The following FBXW10B variants were observed in gnomAD, a reference collection of about 807,000 sequenced individuals.
FBXW10B encodes F-box and WD repeat domain containing protein 10B.
At chr17:15,594,787 C>G in the FBXW10B span, 1 of 1,613,946 alleles carries the variant, frequency 6.2e-7, no homozygotes, top group Admixed American at 1.7e-5. Context: ...CTCGTACTTC[C>G]CCACCATGCT....
At chr17:15,602,875 C>T in the FBXW10B span, among the ~76,000 whole-genome samples, 1 of 122,264 alleles carries the variant, frequency 8.2e-6, no homozygotes, top group Non-Finnish European at 1.6e-5. Flanking sequence ...GATCCGCCCG[C>T]CTCGGCCTCC....
chr17:15,571,691 T>G, the FBXW10B span: 1 of 152,186 alleles, frequency 6.6e-6, no homozygotes, highest in African/African-American at 2.4e-5. Flanking sequence ...CATACAAAGA[T>G]CTGTACATGA....
the FBXW10B span, among the ~76,000 whole-genome samples, chr17:15,611,613 A>G: frequency 1.3e-5 from 2 of 152,106 alleles, no homozygotes; most frequent in East Asian, 3.9e-4. Flanking sequence ...TGGCCCCTAC[A>G]GGTCATATGA....
the FBXW10B span, among the ~76,000 whole-genome samples, chr17:15,568,452 A>C: frequency 7.2e-5 from 11 of 152,218 alleles, no homozygotes; most frequent in Admixed American, 7.2e-4. Flanking sequence ...ATTACTTCTC[A>C]GGGAATGCGT....
the FBXW10B span, chr17:15,598,738 A>T: frequency 1.3e-6 from 2 of 1,568,600 alleles, no homozygotes; most frequent in South Asian, 2.4e-5. Flanking sequence ...ATAATTAGTT[A>T]GTTGGGAGGC....
At chr17:15,607,714 A>G in the FBXW10B span, 6 of 1,590,770 alleles carry the variant, frequency 3.8e-6, no homozygotes, top group Admixed American at 8.5e-5. Flanking sequence ...GTTAAAGCTC[A>G]GTGGTAACTT....
the FBXW10B span, among the ~76,000 whole-genome samples, chr17:15,568,031 G>A: frequency 2.2e-4 from 34 of 152,264 alleles, no homozygotes; most frequent in Admixed American, 7.8e-4. Flanking sequence ...AAGTAGAGTG[G>A]TGGGTTATTG....
the FBXW10B span, among the ~76,000 whole-genome samples, chr17:15,583,543 G>GGTA: frequency 1.4e-5 from 2 of 143,034 alleles, no homozygotes; most frequent in Non-Finnish European, 3.0e-5. Flanking sequence ...CAGGGAATGC[G>GGTA]GTATTAGGCT....
At chr17:15,580,147 A>G in the FBXW10B span, among the ~76,000 whole-genome samples, 1 of 151,834 alleles carries the variant, frequency 6.6e-6, no homozygotes, top group Non-Finnish European at 1.5e-5. Context: ...ACCGATTTGC[A>G]TGCGTGAGTG....
the FBXW10B span, among the ~76,000 whole-genome samples, chr17:15,580,674 C>G: frequency 2.8e-4 from 40 of 144,986 alleles, no homozygotes; most frequent in Non-Finnish European, 5.1e-4. Flanking sequence ...CTTATTTCAT[C>G]TGTTCTTTCT....
At chr17:15,589,339 T>C in the FBXW10B span, 2 of 1,246,192 alleles carry the variant, frequency 1.6e-6, no homozygotes, top group Non-Finnish European at 2.3e-6. Context: ...CAGTGCTGCC[T>C]ACCTGTGACT....
At chr17:15,600,995 G>A in the FBXW10B span, among the ~76,000 whole-genome samples, 1 of 116,568 alleles carries the variant, frequency 8.6e-6, no homozygotes, top group Admixed American at 1.2e-4. Flanking sequence ...AGGTTACAGT[G>A]AGCCGAGATC....
At chr17:15,585,891 G>A in the FBXW10B span, among the ~76,000 whole-genome samples, 1 of 151,762 alleles carries the variant, frequency 6.6e-6, no homozygotes, top group Non-Finnish European at 1.5e-5. Context: ...TTTGTGTTCA[G>A]GATTGTAGTG....
At chr17:15,597,662 T>C in the FBXW10B span, among the ~76,000 whole-genome samples, 1 of 151,960 alleles carries the variant, frequency 6.6e-6, no homozygotes, top group African/African-American at 2.4e-5. Context: ...AAGGAAGATG[T>C]TGAAAGTGAT....
At chr17:15,609,123 A>G in the FBXW10B span, among the ~76,000 whole-genome samples, 1 of 146,996 alleles carries the variant, frequency 6.8e-6, no homozygotes, top group Non-Finnish European at 1.5e-5. Flanking sequence ...GCCAGAAATA[A>G]CAGTCCCATT....
chr17:15,600,173 G>A, the FBXW10B span, among the ~76,000 whole-genome samples: 16,982 of 150,060 alleles, frequency 0.11, 1,260 homozygotes, highest in African/African-American at 0.21. Flanking sequence ...CCGAGATGGC[G>A]CCACTGCACT....
the FBXW10B span, among the ~76,000 whole-genome samples, chr17:15,612,341 A>G: frequency 6.6e-6 from 1 of 150,854 alleles, no homozygotes; most frequent in Non-Finnish European, 1.5e-5. Flanking sequence ...CCCCGCCTCT[A>G]CTAAAAAAAA....
At chr17:15,604,335 A>T in the FBXW10B span, among the ~76,000 whole-genome samples, 1 of 152,144 alleles carries the variant, frequency 6.6e-6, no homozygotes, top group Non-Finnish European at 1.5e-5. Flanking sequence ...CTGGAGATGT[A>T]TAAGAAGGAA....
chr17:15,605,403 A>ATGAC, the FBXW10B span: 1 of 1,556,970 alleles, frequency 6.4e-7, no homozygotes, highest in South Asian at 1.2e-5. Flanking sequence ...GGAATAGTGG[A>ATGAC]TGACTCGGTT....
Sources: gnomAD v4.1 joint callset for allele counts (sites outside exome capture counted in the v4.1 genomes callset) on GRCh38, gnomAD v4.1.1 for gene constraint, MANE v1.5 for transcripts, NCBI Gene and HGNC (gene_info 2026-07-23, HGNC 2026-07-21) for gene names.